PGCKA1: variants seen among roughly 807,000 people sequenced by gnomAD.
PGCKA1 encodes PDCD10 and GCKIII kinases-associated protein 1.
At chr4:37,572,048 CTTTT>C in the PGCKA1 span, among the ~76,000 whole-genome samples, 1 of 111,628 alleles carries the variant, frequency 9.0e-6, no homozygotes, top group Non-Finnish European at 1.8e-5. Flanking sequence ...AACTTCACAC[CTTTT>C]TTTTTTTTTT....
chr4:37,585,810 A>T, the PGCKA1 span, among the ~76,000 whole-genome samples: 3 of 152,060 alleles, frequency 2.0e-5, no homozygotes, highest in African/African-American at 7.2e-5. Context: ...ACAATGTTAC[A>T]CATGTGTACA....
the PGCKA1 span, among the ~76,000 whole-genome samples, chr4:37,454,206 T>C: frequency 6.6e-6 from 1 of 151,956 alleles, no homozygotes; most frequent in African/African-American, 2.4e-5. Context: ...AATTCAAAGT[T>C]TGATGACTTC....
At chr4:37,534,094 A>G in the PGCKA1 span, among the ~76,000 whole-genome samples, 1 of 152,196 alleles carries the variant, frequency 6.6e-6, no homozygotes, top group Non-Finnish European at 1.5e-5. Flanking sequence ...CATTTAAGGA[A>G]GCAAGATGAA....
chr4:37,579,812 T>C, the PGCKA1 span, among the ~76,000 whole-genome samples: 1 of 152,178 alleles, frequency 6.6e-6, no homozygotes, highest in African/African-American at 2.4e-5. Context: ...GATATTGATA[T>C]ATTTCTCTAG....
chr4:37,538,370 A>G, the PGCKA1 span, among the ~76,000 whole-genome samples: 1 of 152,222 alleles, frequency 6.6e-6, no homozygotes, highest in Admixed American at 6.5e-5. Flanking sequence ...CAGAATAAGG[A>G]CTTTATAACT....
At chr4:37,492,293 T>A in the PGCKA1 span, among the ~76,000 whole-genome samples, 1 of 152,200 alleles carries the variant, frequency 6.6e-6, no homozygotes, top group Admixed American at 6.5e-5. The surrounding 1 kb of genome is among the most constrained non-coding windows in gnomAD (Gnocchi z 4.7). Context: ...TACCTGATAG[T>A]CATTGGCGTT....
At chr4:37,469,510 C>T in the PGCKA1 span, among the ~76,000 whole-genome samples, 1 of 152,120 alleles carries the variant, frequency 6.6e-6, no homozygotes, top group East Asian at 1.9e-4. Context: ...GACTGAACCA[C>T]ACCCCAGTGG....
the PGCKA1 span, among the ~76,000 whole-genome samples, chr4:37,592,462 A>G: frequency 6.6e-6 from 1 of 152,058 alleles, no homozygotes; most frequent in Non-Finnish European, 1.5e-5. Context: ...ACTTGATGCC[A>G]TAACTAAATG....
At chr4:37,459,023 C>T in the PGCKA1 span, among the ~76,000 whole-genome samples, 2 of 152,144 alleles carry the variant, frequency 1.3e-5, no homozygotes, top group Non-Finnish European at 2.9e-5. Flanking sequence ...AACACTGGGA[C>T]TTGGGTGTGT....
chr4:37,467,495 C>T, the PGCKA1 span, among the ~76,000 whole-genome samples: 3,739 of 152,200 alleles, frequency 0.025, 160 homozygotes, highest in African/African-American at 0.085. Flanking sequence ...CTCCCTCTTC[C>T]GAATATCTTC....
At chr4:37,568,699 G>C in the PGCKA1 span, among the ~76,000 whole-genome samples, 1 of 152,224 alleles carries the variant, frequency 6.6e-6, no homozygotes, top group Non-Finnish European at 1.5e-5. Context: ...GGTGCCCCAC[G>C]TGCAGCACGG....
At chr4:37,529,741 C>T in the PGCKA1 span, among the ~76,000 whole-genome samples, 2 of 152,132 alleles carry the variant, frequency 1.3e-5, no homozygotes, top group Non-Finnish European at 2.9e-5. Flanking sequence ...TCGGTGTTTT[C>T]GTCTGTAGCC....
At chr4:37,589,558 A>C in the PGCKA1 span, among the ~76,000 whole-genome samples, 1 of 152,092 alleles carries the variant, frequency 6.6e-6, no homozygotes, top group South Asian at 2.1e-4. Flanking sequence ...AATTCTATGA[A>C]CCACTTTGTA....
At chr4:37,569,380 G>T in the PGCKA1 span, among the ~76,000 whole-genome samples, 1 of 151,642 alleles carries the variant, frequency 6.6e-6, no homozygotes, top group African/African-American at 2.4e-5. Flanking sequence ...TGTATTTTCA[G>T]TAGAGATGGG....
At chr4:37,524,483 C>T in the PGCKA1 span, among the ~76,000 whole-genome samples, 1 of 152,224 alleles carries the variant, frequency 6.6e-6, no homozygotes, top group Non-Finnish European at 1.5e-5. Flanking sequence ...CAGCTGGCTT[C>T]CCCCAGGGGG....
the PGCKA1 span, among the ~76,000 whole-genome samples, chr4:37,578,677 T>C: frequency 3.3e-5 from 5 of 152,346 alleles, no homozygotes; most frequent in East Asian, 7.7e-4. Context: ...TCTGGTGATA[T>C]AATTTAATTT....
the PGCKA1 span, among the ~76,000 whole-genome samples, chr4:37,491,762 G>A: frequency 6.6e-6 from 1 of 152,148 alleles, no homozygotes; most frequent in African/African-American, 2.4e-5. Context: ...GTTTTCTTCT[G>A]TGGGTTTTTA....
the PGCKA1 span, among the ~76,000 whole-genome samples, chr4:37,550,664 A>G: frequency 1.3e-5 from 2 of 152,224 alleles, no homozygotes; most frequent in African/African-American, 4.8e-5. Flanking sequence ...CAGAACCCGT[A>G]TTTCAGACTT....
the PGCKA1 span, among the ~76,000 whole-genome samples, chr4:37,491,289 A>G: frequency 6.6e-6 from 1 of 152,152 alleles, no homozygotes; most frequent in Admixed American, 6.6e-5. Context: ...CTCTGTCCAC[A>G]CCACAGGCAG....
Sources: gnomAD v4.1 joint callset for allele counts (sites outside exome capture counted in the v4.1 genomes callset) on GRCh38, gnomAD v4.1.1 for gene constraint, Gnocchi (gnomAD v3.1) non-coding constraint, MANE v1.5 for transcripts, NCBI Gene and HGNC (gene_info 2026-07-23, HGNC 2026-07-21) for gene names.